Variants in PACRG observed in about 807,000 individuals in gnomAD.
PACRG encodes parkin coregulated gene protein.
PACRG carries 29 observed loss-of-function variants against 29.7 expected under a neutral mutation model. The ratio of observed to expected loss-of-function variants is 0.98; its 90% CI spans 0.73 to 1.33. PACRG has a LOEUF of 1.33. Ranked by LOEUF, PACRG falls within the 40% of genes most tolerant of loss-of-function variation. The probability of loss-of-function intolerance (pLI) is 0.00; values close to 1 mark genes in which losing one functional copy is unlikely to be tolerated. For missense variants in PACRG, 279 were observed against 316.2 expected, an observed-to-expected ratio of 0.88 and a Z score of 0.89; for synonymous variants, 116 against 118.7, an observed-to-expected ratio of 0.98 and a Z score of 0.15.
chr6:162,827,081 T>C (rs986734758), intron 2 of PACRG, among the ~76,000 whole-genome samples: 1 of 152,194 alleles, frequency 6.6e-6, no homozygotes, highest in South Asian at 2.1e-4. Flanking sequence ...GGGTAATGAT[T>C]AAGTAATTTA....
chr6:162,799,565 A>G (rs1785676702), intron 1 of PACRG, among the ~76,000 whole-genome samples: 1 of 151,922 alleles, frequency 6.6e-6, no homozygotes, highest in Non-Finnish European at 1.5e-5. Context: ...AGCTCTGTAA[A>G]TTGTGTTAAC....
intron 2 of PACRG, among the ~76,000 whole-genome samples, chr6:162,895,701 C>T (rs1272777376): frequency 6.6e-6 from 1 of 152,142 alleles, no homozygotes; most frequent in East Asian, 1.9e-4. Context: ...ATATGAATAG[C>T]AATTTACTTA....
At chr6:163,128,399 C>T (rs1394370597) in intron 4 of PACRG, among the ~76,000 whole-genome samples, 1 of 152,194 alleles carries the variant, frequency 6.6e-6, no homozygotes, top group African/African-American at 2.4e-5. Flanking sequence ...TGCAGTCTGG[C>T]TGTGTAAGGT....
rs150478842 is a variant in PACRG at position 163,021,556 on chromosome 6, G to A, written c.292-40594G>A. ...CTCTTCCCAGCTCATGGCTCCCACC[G>A]CAACCTGATCGTTCATTCTTGAAAC... On this transcript the variant is annotated intron_variant, in intron 2 of 4. Coordinates refer to ENST00000366888, the MANE Select transcript of PACRG (RefSeq NM_001080379.2). Among the ~76,000 whole-genome samples the A allele has an allele frequency of 1.4e-4, 22 of 152,034 alleles. 1 individual carries two copies. The highest frequency in any genetic ancestry group is 3.6e-4 in the African/African-American group (15 of 41,474).
intron 2 of PACRG, among the ~76,000 whole-genome samples, chr6:162,994,383 C>T (rs1803758936): frequency 6.7e-6 from 1 of 149,384 alleles, no homozygotes; most frequent in South Asian, 2.1e-4. Flanking sequence ...GTACACCAAT[C>T]AGACGTAGAT....
intron 1 of PACRG, among the ~76,000 whole-genome samples, chr6:162,736,344 A>G (rs1028879920): frequency 2.0e-5 from 3 of 152,158 alleles, no homozygotes; most frequent in Non-Finnish European, 4.4e-5. Context: ...CGGTGGTCCA[A>G]TTTGATCTGG....
At chr6:163,241,339 C>T (rs1316673566) in intron 4 of PACRG, among the ~76,000 whole-genome samples, 2 of 152,164 alleles carry the variant, frequency 1.3e-5, no homozygotes, top group Non-Finnish European at 2.9e-5. Context: ...TTGATTTACA[C>T]ACCAAGAAAA....
intron 1 of PACRG, among the ~76,000 whole-genome samples, chr6:162,789,767 A>G (rs1396094693): frequency 6.6e-6 from 1 of 152,184 alleles, no homozygotes; most frequent in Non-Finnish European, 1.5e-5. Flanking sequence ...GTGGATTTAC[A>G]TGATTGCCCT....
intron 2 of PACRG, among the ~76,000 whole-genome samples, chr6:163,031,484 G>T (rs79131663): frequency 0.15 from 23,230 of 152,166 alleles, 1,916 homozygotes; most frequent in East Asian, 0.26. Context: ...AAAAACAACT[G>T]ATGAGACTAG....
At chr6:163,057,391 G>T (rs1810689681) in intron 2 of PACRG, among the ~76,000 whole-genome samples, 1 of 152,090 alleles carries the variant, frequency 6.6e-6, no homozygotes, top group Non-Finnish European at 1.5e-5. Context: ...ATAAAATATG[G>T]CAAGAATAGT....
At chr6:163,130,503 A>T (rs1411217866) in intron 4 of PACRG, among the ~76,000 whole-genome samples, 2 of 152,170 alleles carry the variant, frequency 1.3e-5, no homozygotes, top group Non-Finnish European at 2.9e-5. Context: ...CTTCAGGTAC[A>T]TGAACAAGCT....
intron 4 of PACRG, among the ~76,000 whole-genome samples, chr6:163,287,614 C>T (rs909739413): frequency 5.3e-5 from 8 of 152,212 alleles, no homozygotes; most frequent in Non-Finnish European, 1.2e-4. Context: ...AGGGACACCC[C>T]GAGCCCTGAC....
chr6:163,051,079 C>T (rs1434213941), intron 2 of PACRG, among the ~76,000 whole-genome samples: 1 of 152,218 alleles, frequency 6.6e-6, no homozygotes, highest in African/African-American at 2.4e-5. Context: ...CTCCGTGATC[C>T]AGATCTCTAA....
intron 4 of PACRG, among the ~76,000 whole-genome samples, chr6:163,290,266 ACGCG>A (rs377081564): frequency 8.3e-6 from 1 of 120,514 alleles, no homozygotes; most frequent in Non-Finnish European, 1.8e-5. Flanking sequence ...GTGCGCATGC[ACGCG>A]CGCGCGCGCA....
At chr6:162,806,041 A>G (rs1005590770) in intron 1 of PACRG, among the ~76,000 whole-genome samples, 1 of 152,096 alleles carries the variant, frequency 6.6e-6, no homozygotes, top group South Asian at 2.1e-4. Context: ...TTAAATTTAC[A>G]TTGCCCAGAT....
At chr6:163,079,407 TAAAAAAA>T (rs76199638) in intron 3 of PACRG, among the ~76,000 whole-genome samples, 34 of 137,930 alleles carry the variant, frequency 2.5e-4, no homozygotes, top group Non-Finnish European at 3.6e-4. Flanking sequence ...TTCACAGAGT[TAAAAAAA>T]AAAAAAAGAA....
rs114215279 is a variant in PACRG at position 162,934,283 on chromosome 6, A to G, written c.291+120002A>G. On this transcript the variant is annotated intron_variant, in intron 2 of 4. Coordinates refer to ENST00000366888, the MANE Select transcript of PACRG (RefSeq NM_001080379.2). ...CTCAAAAAAAAAAAATAAATAAATG[A>G]AAAAAAGAGAATGAGAACTCACTTC... 5.0e-3 allele frequency among the ~76,000 whole-genome samples: 760 copies of G among 152,104 alleles called. 11 individuals carry two copies. Among genetic ancestry groups the G allele is most frequent in the African/African-American group, 0.018 (729 of 41,500 alleles).
chr6:162,952,653 C>T (rs1036655808), intron 2 of PACRG, among the ~76,000 whole-genome samples: 5 of 152,140 alleles, frequency 3.3e-5, no homozygotes, highest in African/African-American at 7.2e-5. Flanking sequence ...GAACTAACAA[C>T]CACACTAAAT....
At chr6:163,005,733 T>C (rs988245814) in intron 2 of PACRG, among the ~76,000 whole-genome samples, 2 of 144,266 alleles carry the variant, frequency 1.4e-5, no homozygotes, top group African/African-American at 5.7e-5. Flanking sequence ...GTTCAAATAT[T>C]AGAAAACTAT....
Sources: gnomAD v4.1 joint callset for allele counts (sites outside exome capture counted in the v4.1 genomes callset) on GRCh38, gnomAD v4.1.1 for gene constraint, MANE v1.5 for transcripts, NCBI Gene and HGNC (gene_info 2026-07-23, HGNC 2026-07-21) for gene names.